The following METTL8 variants were observed in gnomAD, a reference collection of about 807,000 sequenced individuals.
The protein encoded by METTL8 is methyltransferase 8, tRNA N3-cytidine, also known as tRNA N(3)-cytidine methyltransferase METTL8, mitochondrial.
In METTL8, 32 loss-of-function variants were observed where a neutral mutation model predicts 48.7. That is an observed-to-expected ratio of 0.66 (90% confidence interval 0.50 to 0.88). The LOEUF (loss-of-function observed/expected upper bound fraction) is 0.88, where lower values mean the gene tolerates loss of function less well. Among genes scored for constraint, METTL8 ranks in the 40% least tolerant of loss-of-function variants. The probability of loss-of-function intolerance (pLI) is 0.00; values close to 1 mark genes in which losing one functional copy is unlikely to be tolerated. For missense variants in METTL8, 464 were observed against 474.4 expected, an observed-to-expected ratio of 0.98 and a Z score of 0.20; for synonymous variants, 136 against 157.1, an observed-to-expected ratio of 0.87 and a Z score of 1.01.
At chr2:171,407,785 T>G (rs1292736466) in intron 1 of METTL8, among the ~76,000 whole-genome samples, 1 of 152,248 alleles carries the variant, frequency 6.6e-6, no homozygotes, top group Non-Finnish European at 1.5e-5. Context: ...CTACTTGATT[T>G]CAGTGTCTGT....
chr2:171,433,351 C>T (rs1165323398), intron 1 of METTL8: 1 of 152,192 alleles, frequency 6.6e-6, no homozygotes, highest in African/African-American at 2.4e-5. Flanking sequence ...GATTCAAGGA[C>T]CTGCTGTACT....
intron 9 of METTL8, 75 bp from the exon 10 acceptor site, chr2:171,324,437 G>T: frequency 8.2e-7 from 1 of 1,216,492 alleles, no homozygotes; most frequent in Non-Finnish European, 1.1e-6. Flanking sequence ...GAACACTGAT[G>T]GAATAACTGA....
At chr2:171,366,764 C>T (rs1193800952) in intron 2 of METTL8, among the ~76,000 whole-genome samples, 2 of 151,794 alleles carry the variant, frequency 1.3e-5, no homozygotes, top group Admixed American at 6.6e-5. Context: ...CATGGTAGCT[C>T]ACACCTGTAA....
At chr2:171,434,710 G>A, upstream of METTL8, 2 of 1,459,460 alleles carry the variant, frequency 1.4e-6, no homozygotes, top group Non-Finnish European at 1.8e-6. Context: ...CCAGGTGACC[G>A]CCAGCCGGCC....
intron 2 of METTL8, among the ~76,000 whole-genome samples, chr2:171,370,293 A>G (rs561765131): frequency 1.3e-5 from 2 of 152,244 alleles, no homozygotes; most frequent in South Asian, 4.1e-4. Context: ...GTATTTTTTT[A>G]ACTGTTAAAT....
chr2:171,329,702 T>A (rs1685323964), intron 7 of METTL8, among the ~76,000 whole-genome samples: 3 of 152,200 alleles, frequency 2.0e-5, no homozygotes. Flanking sequence ...CTGTAAAGGG[T>A]CCTAGTGGCC....
intron 3 of METTL8, among the ~76,000 whole-genome samples, chr2:171,353,647 T>C (rs183932912): frequency 3.9e-5 from 6 of 152,372 alleles, no homozygotes; most frequent in Admixed American, 3.9e-4. Flanking sequence ...TGGGTGCTCC[T>C]GTATTGGGTG....
intron 3 of METTL8, among the ~76,000 whole-genome samples, chr2:171,353,496 G>T (rs921566022): frequency 6.6e-6 from 1 of 152,228 alleles, no homozygotes; most frequent in African/African-American, 2.4e-5. Context: ...ACTTGCTGCA[G>T]AGCTGAGTTC....
At chr2:171,329,316 C>T (rs1056735456) in intron 7 of METTL8, among the ~76,000 whole-genome samples, 4 of 152,212 alleles carry the variant, frequency 2.6e-5, no homozygotes, top group African/African-American at 9.7e-5. Context: ...ACATTCAATT[C>T]AAATCATGAG....
At position 171,339,206 on chromosome 2, in the gene METTL8, T is replaced by C. The variant is rs1443753782; in HGVS notation, c.584A>G (p.Asn195Ser). The change falls in exon 4 of 10, where the codon AAT becomes AGT. Residue 195 changes from asparagine (N) to serine (S), a missense_variant. Transcript: ENST00000375258. ...TACCTCTAGTATCCTGAAAGTGGCA[T>C]TGCTACCAGGAAACAATCCAGTCTC... ...PMETGLFPGSNATFRILEVGC... is the reference protein window; with the variant it reads ...PMETGLFPGSSATFRILEVGC... 1.9e-6 allele frequency: 3 copies of C among 1,545,562 alleles called. No homozygotes were observed. The highest frequency in any genetic ancestry group is 2.0e-5 in the Admixed American group (1 of 51,016).
upstream of METTL8, chr2:171,434,650 G>T: frequency 6.5e-7 from 1 of 1,535,590 alleles, no homozygotes; most frequent in Non-Finnish European, 8.7e-7. Context: ...CTCGCGCGAC[G>T]CAGGCGTGGT....
intron 2 of METTL8, among the ~76,000 whole-genome samples, chr2:171,363,817 T>TATATATATATATATGTATATATATATATA (rs1228494441): frequency 2.3e-5 from 3 of 129,054 alleles, no homozygotes; most frequent in Non-Finnish European, 3.3e-5. Flanking sequence ...TATATATATC[T>TATATATATATATATGTATATATATATATA]TTTTTTTTTT....
intron 3 of METTL8, among the ~76,000 whole-genome samples, chr2:171,349,867 T>C (rs565366505): frequency 1.3e-5 from 2 of 152,336 alleles, no homozygotes; most frequent in East Asian, 1.9e-4. Flanking sequence ...TTTTTATTGA[T>C]ATATAATAGA....
At chr2:171,396,465 T>C (rs541963788) in intron 1 of METTL8, among the ~76,000 whole-genome samples, 4 of 152,128 alleles carry the variant, frequency 2.6e-5, no homozygotes, top group Non-Finnish European at 4.4e-5. Flanking sequence ...GCCCTACCAA[T>C]TGTCTAATGT....
chr2:171,406,224 C>A (rs1456083176), intron 1 of METTL8, among the ~76,000 whole-genome samples: 1 of 152,188 alleles, frequency 6.6e-6, no homozygotes, highest in African/African-American at 2.4e-5. Context: ...ACCTGTCCAA[C>A]AGAGTACCTT....
At chr2:171,434,720 CG>C (rs768050246), upstream of METTL8, 7 of 1,423,578 alleles carry the variant, frequency 4.9e-6, no homozygotes, top group South Asian at 1.0e-4. Flanking sequence ...GCCAGCCGGC[CG>C]GGGCGGGACG....
intron 2 of METTL8, among the ~76,000 whole-genome samples, chr2:171,379,409 A>G (rs1480046210): frequency 6.6e-6 from 1 of 152,160 alleles, no homozygotes; most frequent in African/African-American, 2.4e-5. Context: ...AACTAAGACC[A>G]GAGCAGAACT....
At chr2:171,345,231 C>T (rs563398459) in intron 3 of METTL8, among the ~76,000 whole-genome samples, 25 of 152,246 alleles carry the variant, frequency 1.6e-4, no homozygotes, top group African/African-American at 4.6e-4. Flanking sequence ...GGAATATGCA[C>T]GCTAACCATC....
chr2:171,414,838 A>G (rs1422238346), intron 1 of METTL8: 1 of 152,144 alleles, frequency 6.6e-6, no homozygotes, highest in Non-Finnish European at 1.5e-5. Flanking sequence ...TAATTCCCAC[A>G]TGTTGCGGGA....
Sources: allele counts gnomAD v4.1 joint callset (sites outside exome capture counted in the v4.1 genomes callset), GRCh38; gene constraint gnomAD v4.1.1; transcripts MANE v1.5; gene names NCBI Gene and HGNC (gene_info 2026-07-23, HGNC 2026-07-21).